Variants in FXR2 observed in about 807,000 individuals in gnomAD.
FXR2 encodes RNA-binding protein FXR2.
FXR2 carries 9 observed loss-of-function variants against 87.3 expected under a neutral mutation model. That is an observed-to-expected ratio of 0.10 (90% CI 0.06 to 0.18). The LOEUF (loss-of-function observed/expected upper bound fraction) is 0.18. Ranked by LOEUF, FXR2 falls within the 10% of genes least tolerant of loss-of-function variation. FXR2 has a pLI of 1.00. For missense variants in FXR2, 661 were observed against 893.6 expected (o/e 0.74, Z 3.32); for synonymous variants, 331 against 328.3 (o/e 1.01, Z -0.09).
chr17:7,613,927 T>C (rs1236792564), intron 1 of FXR2: 2 of 412,708 alleles, frequency 4.8e-6, no homozygotes, highest in African/African-American at 4.1e-5. Flanking sequence ...CCATTTCTCC[T>C]TGGCTTGGGA....
In FXR2 at chr17:7,593,398, C is replaced by A; in HGVS notation, c.1330+5G>T. The A allele has an allele frequency of 1.3e-6, 2 of 1,558,698 alleles. No individual in the cohort carries two copies. Among genetic ancestry groups the A allele is most frequent in the Non-Finnish European group, 1.7e-6 (2 of 1,149,958 alleles). ...CCTTGCCTCCTGTTCCCATAACTGT[C>A]TCACCATAGGCAGGACCGCCTGTCC... On this transcript the variant is annotated splice_donor_5th_base_variant and intron_variant, in intron 12 of 16. Coordinates refer to ENST00000250113, the MANE Select transcript of FXR2 (RefSeq NM_004860.4). This position sits in a 1 kb window ranked among gnomAD's most constrained non-coding sequence, Gnocchi z 6.1.
Position 7,591,899 on chromosome 17 carries a change from C to A in FXR2, c.1953G>T (p.Lys651Asn). The part of the protein sequence containing the change: ...QKGDSVSKLP[K>N]GPSENGELSA... ...AGAGCTCCCCATTCTCCGAGGGGCC[C>A]TTAGGAAGCTTGCTGACAGAGTCAC... is the stretch of plus-strand genomic sequence containing the variant. Residue 651 changes from lysine (K) to asparagine (N), a missense_variant, in exon 17 of 17, where the codon AAG becomes AAT. This residue lies in a region of FXR2 where 409 missense variants were observed against 432.0 expected (regional missense o/e 0.95). Coordinates refer to ENST00000250113, the MANE Select transcript of FXR2 (RefSeq NM_004860.4). This position sits in a 1 kb window ranked among gnomAD's most constrained non-coding sequence, Gnocchi z 4.0. 2 of 1,603,240 alleles carry A rather than the reference C, an allele frequency of 1.2e-6. No individual in the cohort carries two copies. Among genetic ancestry groups the A allele is most frequent in the Non-Finnish European group, 1.7e-6 (2 of 1,170,318 alleles).
In FXR2 at chr17:7,592,405, C is replaced by T; in HGVS notation, c.1826-51G>A. The T allele has an allele frequency of 6.5e-7, 1 of 1,543,882 alleles. No homozygotes were observed. Among genetic ancestry groups the T allele is most frequent in the Middle Eastern group, 1.7e-4 (1 of 5,954 alleles). On this transcript the variant is annotated intron_variant, in intron 15 of 16. Coordinates refer to ENST00000250113, the MANE Select transcript of FXR2 (RefSeq NM_004860.4). The surrounding 1 kb of genome is among the most constrained non-coding windows in gnomAD (Gnocchi z 4.8). ...TTCAGATGGAATTCTGGTAGCCAGC[C>T]TAAGACACCCACTGAACCCGAACCC... is the stretch of plus-strand genomic sequence containing the variant.
intron 2 of FXR2, 178 bp from the exon 3 acceptor site, chr17:7,605,916 G>T: frequency 1.6e-6 from 1 of 643,768 alleles, no homozygotes; most frequent in Non-Finnish European, 2.7e-6. Context: ...TAAATACTGG[G>T]TCAAATGCCC....
In FXR2 at chr17:7,591,665, C is replaced by A; in HGVS notation, c.*165G>T. On this transcript the variant is annotated 3_prime_UTR_variant, in exon 17 of 17. Transcript: ENST00000250113. This position sits in a 1 kb window ranked among gnomAD's most constrained non-coding sequence, Gnocchi z 4.0. ...AGAGGGAGGGGGTATGACCCTGTTA[C>A]ACACCCCTCCACTAGCTCCTGGAGG... The A allele has an allele frequency of 1.5e-6, 1 of 661,140 alleles. No homozygotes were observed. The highest frequency in any genetic ancestry group is 1.7e-5 in the South Asian group (1 of 59,474). The allele number at this position is 661,140 out of a possible 1,614,324, so 41.0% of individuals were successfully genotyped here.
Position 7,591,810 on chromosome 17 carries a change from A to AG in FXR2, c.*19dup. Reference sequence around the variant, plus strand: ...GGGCAGCAAGCGAGATGGAGAAGGGAGGGGTGCAGGTTGGAGGTTTTATGA... The same window carrying AG: ...GGGCAGCAAGCGAGATGGAGAAGGGAGGGGGTGCAGGTTGGAGGTTTTATGA... On this transcript the variant is annotated 3_prime_UTR_variant, in exon 17 of 17. Coordinates refer to ENST00000250113, the MANE Select transcript of FXR2 (RefSeq NM_004860.4). The surrounding 1 kb of genome is among the most constrained non-coding windows in gnomAD (Gnocchi z 4.0). 1 of 1,241,696 alleles carries AG rather than the reference A, an allele frequency of 8.1e-7. No homozygotes were observed. Among genetic ancestry groups the AG allele is most frequent in the African/African-American group, 1.5e-5 (1 of 67,956 alleles). The allele number at this position is 1,241,696 out of a possible 1,614,324, so 76.9% of individuals were successfully genotyped here.
chr17:7,606,855 T>C (rs2071807280), intron 1 of FXR2, among the ~76,000 whole-genome samples: 1 of 152,254 alleles, frequency 6.6e-6, no homozygotes, highest in Non-Finnish European at 1.5e-5. Flanking sequence ...CCACCTCCTG[T>C]GGTCTGTGTC....
At position 7,594,208 on chromosome 17, in the gene FXR2, T is replaced by G; in HGVS notation, c.1020+30A>C. ...AATCCCATTTACTTCTGGAAACCAA[T>G]CTCTATGCCCACTTGCCCCGTACCC... On this transcript the variant is annotated intron_variant, in intron 10 of 16. Coordinates refer to ENST00000250113, the MANE Select transcript of FXR2 (RefSeq NM_004860.4). The surrounding 1 kb of genome is among the most constrained non-coding windows in gnomAD (Gnocchi z 5.1). 1 of 1,293,660 alleles carries G rather than the reference T, an allele frequency of 7.7e-7. No homozygotes were observed. The highest frequency in any genetic ancestry group is 1.2e-5 in the South Asian group (1 of 83,854). The allele number at this position is 1,293,660 out of a possible 1,614,324, so 80.1% of individuals were successfully genotyped here.
Position 7,609,979 on chromosome 17 carries a change from CATATATATATACATGTATATGTAT to C in FXR2, c.82-3854_82-3831del, listed in dbSNP as rs1567753898. On this transcript the variant is annotated intron_variant, in intron 1 of 16. Coordinates refer to ENST00000250113, the MANE Select transcript of FXR2 (RefSeq NM_004860.4). ...ACATATATATACATGTATATGTATA[CATATATATATACATGTATATGTAT>C]ACATATATATATACATGTATATGTA... Among the ~76,000 whole-genome samples the C allele has an allele frequency of 5.2e-3, 251 of 47,842 alleles. 9 individuals are homozygous for C. The highest frequency in any genetic ancestry group is 0.026 in the Middle Eastern group (2 of 76). The allele number at this position is 47,842 out of a possible 152,430, so 31.4% of individuals were successfully genotyped here.
chr17:7,591,650 G>C lies in FXR2; in HGVS notation c.*180C>G, dbSNP rs2071661497. 1 of 635,048 alleles carries C rather than the reference G, an allele frequency of 1.6e-6. No individual in the cohort carries two copies. Among genetic ancestry groups the C allele is most frequent in the Admixed American group, 2.4e-5 (1 of 42,224 alleles). The allele number at this position is 635,048 out of a possible 1,614,324, so 39.3% of individuals were successfully genotyped here. On this transcript the variant is annotated 3_prime_UTR_variant, in exon 17 of 17. Transcript: ENST00000250113. This position sits in a 1 kb window ranked among gnomAD's most constrained non-coding sequence, Gnocchi z 4.0. Reference sequence around the variant, plus strand: ...GGGGTAGGGTGGACAAGAGGGAGGGGGTATGACCCTGTTACACACCCCTCC... The same window carrying C: ...GGGGTAGGGTGGACAAGAGGGAGGGCGTATGACCCTGTTACACACCCCTCC...
In FXR2 at chr17:7,594,867, T is replaced by C. The variant is rs1448589725; in HGVS notation, c.832-110A>G. The C allele has an allele frequency of 5.4e-6, 4 of 744,958 alleles. No homozygotes were observed. In the Admixed American group the frequency reaches 7.6e-5, roughly 14 times the overall value. 46.1% of individuals were successfully genotyped at this position (744,958 alleles called of 1,614,324 possible). A position where few individuals can be genotyped will look rare whatever the true frequency, so the allele number is the denominator to read the frequency against. On this transcript the variant is annotated intron_variant, in intron 8 of 16. Coordinates refer to ENST00000250113, the MANE Select transcript of FXR2 (RefSeq NM_004860.4). This position sits in a 1 kb window ranked among gnomAD's most constrained non-coding sequence, Gnocchi z 5.1. ...GGAGGCTGGAGGCAGGTGGATAAAT[T>C]GAGCTCAAGAGTTCAAGACTAGCCT...
chr17:7,609,892 A>G (rs760460091), intron 1 of FXR2, among the ~76,000 whole-genome samples: 8 of 148,244 alleles, frequency 5.4e-5, no homozygotes, highest in Non-Finnish European at 8.9e-5. Context: ...ATATACATAT[A>G]TATACACATA....
chr17:7,595,751 G>T lies in FXR2; in HGVS notation c.831+73C>A. ...GTGTGAGCCACTGTGCCCAGTTTGA[G>T]GCTTATTTTCTACTTCGGCCTCTCT... On this transcript the variant is annotated intron_variant, in intron 8 of 16. Transcript: ENST00000250113. This position sits in a 1 kb window ranked among gnomAD's most constrained non-coding sequence, Gnocchi z 4.7. 7.9e-7 allele frequency: 1 copy of T among 1,260,730 alleles called. No homozygotes were observed. Among genetic ancestry groups the T allele is most frequent in the Non-Finnish European group, 1.1e-6 (1 of 881,716 alleles). 78.1% of individuals were successfully genotyped at this position (1,260,730 alleles called of 1,614,324 possible). A position where few individuals can be genotyped will look rare whatever the true frequency, so the allele number is the denominator to read the frequency against.
intron 7 of FXR2, 153 bp from the exon 8 acceptor site, chr17:7,596,147 A>T (rs2071705900): frequency 1.6e-6 from 1 of 632,938 alleles, no homozygotes; most frequent in African/African-American, 1.8e-5. Flanking sequence ...ACCTGTGTGG[A>T]AAGGTCAGGA....
Position 7,594,649 on chromosome 17 carries a change from TCTAA to T in FXR2, c.910+26_910+29del. 7.3e-7 allele frequency: 1 copy of T among 1,361,860 alleles called. No individual in the cohort carries two copies. The highest frequency in any genetic ancestry group is 1.2e-5 in the South Asian group (1 of 86,002). The allele number at this position is 1,361,860 out of a possible 1,614,324, so 84.4% of individuals were successfully genotyped here. A position where few individuals can be genotyped will look rare whatever the true frequency, so the allele number is the denominator to read the frequency against. The stretch of plus-strand genomic sequence containing the variant: ...ACTGTAGAGAATCTTGATTCTGACC[TCTAA>T]CTGTATATACACACCACCAACTCAC... On this transcript the variant is annotated intron_variant, in intron 9 of 16. Transcript: ENST00000250113. This position sits in a 1 kb window ranked among gnomAD's most constrained non-coding sequence, Gnocchi z 5.1.
Position 7,593,852 on chromosome 17 carries a change from G to A in FXR2, c.1107+66C>T. On this transcript the variant is annotated intron_variant, in intron 11 of 16. Coordinates refer to ENST00000250113, the MANE Select transcript of FXR2 (RefSeq NM_004860.4). This position sits in a 1 kb window ranked among gnomAD's most constrained non-coding sequence, Gnocchi z 6.1. Reference sequence around the variant, plus strand: ...ACAAACAGAGAACCAAAATCCCTGAGCTGACCCCCACAGCAGTCTTAGTTC... The same window carrying A: ...ACAAACAGAGAACCAAAATCCCTGAACTGACCCCCACAGCAGTCTTAGTTC... 2.8e-6 allele frequency: 3 copies of A among 1,058,002 alleles called. No homozygotes were observed. The allele number at this position is 1,058,002 out of a possible 1,614,324, so 65.5% of individuals were successfully genotyped here. A position where few individuals can be genotyped will look rare whatever the true frequency, so the allele number is the denominator to read the frequency against.
intron 7 of FXR2, chr17:7,596,422 T>A (rs2071708443): frequency 1.3e-5 from 2 of 154,032 alleles, no homozygotes; most frequent in Admixed American, 6.4e-5. Flanking sequence ...CCTCCCAAAG[T>A]GCTGGGATTA....
At chr17:7,601,642 T>C (rs899847493) in intron 6 of FXR2, 117 bp from the exon 7 acceptor site, 1 of 688,806 alleles carries the variant, frequency 1.5e-6, no homozygotes, top group South Asian at 1.6e-5. Flanking sequence ...GAAATGAAGC[T>C]AGGAGACCGG....
Position 7,594,557 on chromosome 17 carries a change from G to C in FXR2, c.910+122C>G, listed in dbSNP as rs376393024. ...ATTTTTATCACTCCCATTACAGACT[G>C]TTTCTCTGTCCTTGTGAAACTGGGA... On this transcript the variant is annotated intron_variant, in intron 9 of 16. Coordinates refer to ENST00000250113, the MANE Select transcript of FXR2 (RefSeq NM_004860.4). This position sits in a 1 kb window ranked among gnomAD's most constrained non-coding sequence, Gnocchi z 5.1. The C allele has an allele frequency of 1.0e-5, 8 of 762,404 alleles. No individual in the cohort carries two copies. The highest frequency in any genetic ancestry group is 6.9e-5 in the African/African-American group (4 of 57,674). 47.2% of individuals were successfully genotyped at this position (762,404 alleles called of 1,614,324 possible). A position where few individuals can be genotyped will look rare whatever the true frequency, so the allele number is the denominator to read the frequency against.
Sources: allele counts gnomAD v4.1 joint callset (sites outside exome capture counted in the v4.1 genomes callset), GRCh38; gene constraint gnomAD v4.1.1; regional missense constraint gnomAD v4.1.1; non-coding constraint Gnocchi (gnomAD v3.1); transcripts MANE v1.5; gene names NCBI Gene and HGNC (gene_info 2026-07-23, HGNC 2026-07-21).